Variants in PTCH1 observed in about 807,000 individuals in gnomAD.
The protein encoded by PTCH1 is protein patched homolog 1.
In PTCH1, 14 loss-of-function variants were observed where a neutral mutation model predicts 144.6. The ratio of observed to expected loss-of-function variants is 0.10; its 90% CI spans 0.06 to 0.15. The LOEUF (loss-of-function observed/expected upper bound fraction) is 0.15, where lower values mean the gene tolerates loss of function less well. Among genes scored for constraint, PTCH1 ranks in the 10% least tolerant of loss-of-function variants. The pLI is 1.00. For missense variants in PTCH1, 1,623 were observed against 1,948.3 expected (o/e 0.83, Z 3.14); for synonymous variants, 833 against 793.6 (o/e 1.05, Z -0.83).
upstream of PTCH1, among the ~76,000 whole-genome samples, chr9:95,513,453 G>C (rs756437113): frequency 6.6e-6 from 1 of 152,162 alleles, no homozygotes; most frequent in Admixed American, 6.5e-5. Flanking sequence ...CGGATGGAGA[G>C]AGGAATTGGG....
At chr9:95,482,339 T>C (rs1216421961) in intron 3 of PTCH1, 136 bp from the exon 4 acceptor site, 1 of 842,656 alleles carries the variant, frequency 1.2e-6, no homozygotes, top group African/African-American at 1.7e-5. Context: ...GCAGAGCTTT[T>C]GCCAAGTAGA....
rs767625820 is a variant in PTCH1 at position 95,447,169 on chromosome 9, C to T, written c.4087G>A (p.Gly1363Ser). ...ASTAMGSSVPGYCQPITTVTA... is the reference protein window; with the variant it reads ...ASTAMGSSVPSYCQPITTVTA... ...ACAGTGGTGATGGGCTGGCAGTAGC[C>T]GGGCACGGAGCTGCCCATGGCAGTG... The change falls in exon 23 of 24, where the codon GGC (glycine) becomes AGC (serine). Residue 1363 changes from glycine (G) to serine (S), a missense_variant. Coordinates refer to ENST00000331920, the MANE Select transcript of PTCH1 (RefSeq NM_000264.5). 1.1e-5 allele frequency: 17 copies of T among 1,612,956 alleles called. No homozygotes were observed. Among genetic ancestry groups the T allele is most frequent in the African/African-American group, 4.0e-5 (3 of 74,942 alleles).
chr9:95,447,059 T>C lies in PTCH1; in HGVS notation c.4197A>G (p.Pro1399=), dbSNP rs1331547195. 3 of 1,614,096 alleles carry C rather than the reference T, an allele frequency of 1.9e-6. No individual in the cohort carries two copies. Among genetic ancestry groups the C allele is most frequent in the Non-Finnish European group, 2.5e-6 (3 of 1,180,018 alleles). The change falls in exon 23 of 24, where the codon CCA becomes CCG. Residue 1399 remains proline (P), a synonymous_variant. Coordinates refer to ENST00000331920, the MANE Select transcript of PTCH1 (RefSeq NM_000264.5). ...GGCCGTGGTCAGTCTCAGGGTAGCC[T>C]GGGCAGAGTCCCCCTCGGGGGTTCC... ...PGRNPRGGLC[P]GYPETDHGLF...
rs886742178 is a variant in PTCH1 at position 95,508,381 on chromosome 9, C to A, written c.-20G>T. 6.9e-6 allele frequency: 8 copies of A among 1,155,886 alleles called. No homozygotes were observed. In the East Asian group the frequency reaches 2.9e-4, roughly 42 times the overall value. The allele number at this position is 1,155,886 out of a possible 1,614,324, so 71.6% of individuals were successfully genotyped here. On this transcript the variant is annotated 5_prime_UTR_variant, in exon 1 of 24. Transcript: ENST00000331920. ...GGCCATGTTGCCGCCGCCGCCGCCG[C>A]CGCCGCGGGGACGGAGGCTTCCCGG...
In PTCH1 at chr9:95,505,918, C is replaced by A. The variant is rs940832910; in HGVS notation, c.394+489G>T. 1.6e-4 allele frequency among the ~76,000 whole-genome samples: 24 copies of A among 147,386 alleles called. No individual in the cohort carries two copies. In the East Asian group the frequency reaches 4.4e-3, roughly 27 times the overall value. On this transcript the variant is annotated intron_variant, in intron 2 of 23. Coordinates refer to ENST00000331920, the MANE Select transcript of PTCH1 (RefSeq NM_000264.5). ...CCCTCCCCAGCGCGGCGGCCGCGGC[C>A]GCCGGGGGCGCGCACACTCCAGCCA...
chr9:95,468,762 GT>G lies in PTCH1; in HGVS notation c.2238del (p.Lys746AsnfsTer6). ...TTGTGGCAGATTACCTTGGCTTTTG[GT>G]TTCAAGAGGAAAGGAGCATAGTGCT... ...AEKHYAPFLL[K>X]PKAKVVVIFL... On this transcript the variant is annotated frameshift_variant, in exon 14 of 24. Coordinates refer to ENST00000331920, the MANE Select transcript of PTCH1 (RefSeq NM_000264.5). 1 of 1,614,168 alleles carries G rather than the reference GT, an allele frequency of 6.2e-7. No individual in the cohort carries two copies. The highest frequency in any genetic ancestry group is 8.5e-7 in the Non-Finnish European group (1 of 1,180,034).
upstream of PTCH1, among the ~76,000 whole-genome samples, chr9:95,510,506 T>C (rs995865457): frequency 2.0e-5 from 3 of 152,064 alleles, no homozygotes; most frequent in African/African-American, 7.3e-5. Context: ...GCTTTTTATT[T>C]AAAAAAATTT....
intron 15 of PTCH1, among the ~76,000 whole-genome samples, chr9:95,465,367 TG>T (rs1839906743): frequency 6.6e-6 from 1 of 152,156 alleles, no homozygotes; most frequent in Admixed American, 6.5e-5. Context: ...CTTTGGTCAA[TG>T]GGGGGAAAAT....
At chr9:95,446,532 C>G (rs975320054) in intron 23 of PTCH1, 141 bp from the exon 24 acceptor site, 61 of 450,842 alleles carry the variant, frequency 1.4e-4, no homozygotes, top group Non-Finnish European at 4.4e-5. Flanking sequence ...TCCCTGGGGG[C>G]TGCTTGTGAC....
At chr9:95,459,366 G>A (rs1181356551) in intron 17 of PTCH1, among the ~76,000 whole-genome samples, 1 of 152,252 alleles carries the variant, frequency 6.6e-6, no homozygotes, top group East Asian at 1.9e-4. Context: ...GAACGTCTTA[G>A]CATTAAAGCT....
At chr9:95,463,833 G>A (rs1839762761) in intron 15 of PTCH1, among the ~76,000 whole-genome samples, 1 of 152,190 alleles carries the variant, frequency 6.6e-6, no homozygotes, top group African/African-American at 2.4e-5. Flanking sequence ...CAGGCAGCAA[G>A]TCACCAGAGG....
In PTCH1 at chr9:95,508,401, TC is replaced by T; in HGVS notation, c.-41del. 9.1e-7 allele frequency: 1 copy of T among 1,097,612 alleles called. No individual in the cohort carries two copies. The highest frequency in any genetic ancestry group is 1.1e-6 in the Non-Finnish European group (1 of 904,918). The allele number at this position is 1,097,612 out of a possible 1,614,324, so 68.0% of individuals were successfully genotyped here. A position where few individuals can be genotyped will look rare whatever the true frequency, so the allele number is the denominator to read the frequency against. ...CGCCGCCGCCGCGGGGACGGAGGCT[TC>T]CCGGGCGGCCCGGCGCGCTGCTGCC... On this transcript the variant is annotated 5_prime_UTR_variant, in exon 1 of 24. Transcript: ENST00000331920.
intron 2 of PTCH1, among the ~76,000 whole-genome samples, chr9:95,490,684 TAGAG>T (rs895104602): frequency 2.6e-5 from 4 of 151,946 alleles, no homozygotes; most frequent in Admixed American, 6.6e-5. Context: ...CTGATGGACT[TAGAG>T]AGTAGAATGA....
intron 18 of PTCH1, among the ~76,000 whole-genome samples, 170 bp downstream of exon 18, chr9:95,457,842 AG>A (rs1839076268): frequency 6.6e-6 from 1 of 152,206 alleles, no homozygotes; most frequent in Non-Finnish European, 1.5e-5. Context: ...AGGCCATTAG[AG>A]GTTCTACCTT....
intron 16 of PTCH1, among the ~76,000 whole-genome samples, chr9:95,461,541 C>T (rs559698239): frequency 5.9e-5 from 9 of 152,162 alleles, no homozygotes; most frequent in South Asian, 4.1e-4. Context: ...AAGAATCACA[C>T]GCCGCTGCAT....
intron 2 of PTCH1, among the ~76,000 whole-genome samples, chr9:95,500,192 C>A (rs1292427203): frequency 6.6e-6 from 1 of 152,076 alleles, no homozygotes; most frequent in Non-Finnish European, 1.5e-5. Context: ...TGAGCGGCAT[C>A]CTATGTATCT....
intron 18 of PTCH1, 145 bp downstream of exon 18, chr9:95,457,867 AC>A (rs1458010554): frequency 3.5e-6 from 4 of 1,140,442 alleles, no homozygotes; most frequent in Non-Finnish European, 5.1e-6. Flanking sequence ...CATGGACCTC[AC>A]CACCTCGAGT....
intron 20 of PTCH1, chr9:95,451,891 G>A (rs187442785): frequency 2.0e-5 from 3 of 152,298 alleles, no homozygotes; most frequent in Non-Finnish European, 2.9e-5. Flanking sequence ...TAACTCAGTT[G>A]GGCAACTCTC....
rs565687246 is a variant in PTCH1 at position 95,474,057 on chromosome 9, G to A, written c.1728+1977C>T. On this transcript the variant is annotated intron_variant, in intron 12 of 23. Coordinates refer to ENST00000331920, the MANE Select transcript of PTCH1 (RefSeq NM_000264.5). ...TGGATTTTCTACAAGGCTACTCCTC[G>A]TAAGGAAACCTCATGTAGCTTTTCA... 1.6e-5 allele frequency: 8 copies of A among 497,988 alleles called. No homozygotes were observed. The East Asian group carries it at 2.3e-4, about 14-fold the overall frequency. 30.8% of individuals were successfully genotyped at this position (497,988 alleles called of 1,614,324 possible).
Sources: gnomAD v4.1 joint callset for allele counts (sites outside exome capture counted in the v4.1 genomes callset) on GRCh38, gnomAD v4.1.1 for gene constraint, MANE v1.5 for transcripts, NCBI Gene and HGNC (gene_info 2026-07-23, HGNC 2026-07-21) for gene names.